FUBP3: variants seen among roughly 807,000 people sequenced by gnomAD.
FUBP3 encodes far upstream element-binding protein 3.
A neutral mutation model predicts 85.6 loss-of-function variants in FUBP3; 28 were observed. That is an observed-to-expected ratio of 0.33 (90% CI 0.24 to 0.45). The LOEUF is 0.45. FUBP3 is among the 20% of genes least tolerant of loss of function. FUBP3 has a pLI of 1.00. For missense variants in FUBP3, 583 were observed against 755.1 expected, an observed-to-expected ratio of 0.77 and a Z score of 2.67; for synonymous variants, 271 against 271.4, an observed-to-expected ratio of 1.00 and a Z score of 0.01.
intron 14 of FUBP3, 120 bp from the exon 15 acceptor site, chr9:130,631,822 C>T (rs555899110): frequency 1.2e-6 from 1 of 860,972 alleles, no homozygotes; most frequent in East Asian, 2.4e-5. Context: ...GGGTGGGAGC[C>T]TCTCAGAGGG....
At position 130,620,378 on chromosome 9, in the gene FUBP3, A is replaced by G; in HGVS notation, c.691A>G (p.Ile231Val). 1 of 1,601,434 alleles carries G rather than the reference A, an allele frequency of 6.2e-7. No homozygotes were observed. Among genetic ancestry groups the G allele is most frequent in the South Asian group, 1.1e-5 (1 of 89,040 alleles). Residue 231 changes from isoleucine to valine, a missense_variant, in exon 9 of 19, where the codon ATT (isoleucine) becomes GTT (valine). By Grantham distance (29) the Ile-to-Val change is conservative (BLOSUM62 3). This residue lies in a region of FUBP3 where 404 missense variants were observed against 516.8 expected (regional missense o/e 0.78). Coordinates refer to ENST00000319725, the MANE Select transcript of FUBP3 (RefSeq NM_003934.2). ...GCAAGCAAGAGAAATGGTACTAGAGATTATCCGAGAAAAAGACCAAGCTGA... is the reference window on the plus strand; with the variant it reads ...GCAAGCAAGAGAAATGGTACTAGAGGTTATCCGAGAAAAAGACCAAGCTGA... The part of the protein sequence containing the change: ...VQQAREMVLE[I>V]IREKDQADFR...
At chr9:130,618,288 G>T (rs530570799) in intron 8 of FUBP3, among the ~76,000 whole-genome samples, 2 of 152,294 alleles carry the variant, frequency 1.3e-5, no homozygotes, top group East Asian at 3.9e-4. Context: ...ATCCTTCCAG[G>T]TGCAGTTTTG....
intron 1 of FUBP3, among the ~76,000 whole-genome samples, chr9:130,584,269 C>T (rs1172285018): frequency 2.0e-5 from 3 of 151,990 alleles, no homozygotes; most frequent in African/African-American, 7.2e-5. Flanking sequence ...GGCTTACACC[C>T]GTAATCCCAG....
chr9:130,595,138 A>G (rs1830806328), intron 1 of FUBP3, among the ~76,000 whole-genome samples: 1 of 151,596 alleles, frequency 6.6e-6, no homozygotes, highest in South Asian at 2.1e-4. Flanking sequence ...AGACAGGAGA[A>G]TCGCTTGAAC....
intron 12 of FUBP3, among the ~76,000 whole-genome samples, chr9:130,629,423 CG>C (rs1025273114): frequency 7.2e-5 from 11 of 152,266 alleles, no homozygotes; most frequent in Admixed American, 7.2e-4. Context: ...TGTCTCCCGG[CG>C]TCTTTTCTCC....
intron 1 of FUBP3, among the ~76,000 whole-genome samples, chr9:130,583,818 A>G (rs901757408): frequency 6.6e-6 from 1 of 152,210 alleles, no homozygotes; most frequent in Non-Finnish European, 1.5e-5. Flanking sequence ...TAGATAGTAA[A>G]TAAACTATAT....
chr9:130,620,987 T>C (rs1829720573), intron 9 of FUBP3, among the ~76,000 whole-genome samples: 1 of 152,216 alleles, frequency 6.6e-6, no homozygotes, highest in Non-Finnish European at 1.5e-5. Context: ...TGTCAGATGC[T>C]GGGGGAAGGA....
chr9:130,609,838 T>A, intron 2 of FUBP3, 116 bp from the exon 3 acceptor site: 2 of 782,704 alleles, frequency 2.6e-6, no homozygotes, highest in Admixed American at 3.9e-5. Context: ...AATTACTGTT[T>A]GCTTTCTTTC....
intron 1 of FUBP3, among the ~76,000 whole-genome samples, chr9:130,589,703 ATATTTTTTT>A (rs1464919737): frequency 6.3e-4 from 18 of 28,582 alleles, no homozygotes; most frequent in South Asian, 2.0e-3. Flanking sequence ...ATATATATAT[ATATTTTTTT>A]TTTTTTTTTT....
Position 130,631,308 on chromosome 9 carries a change from C to T in FUBP3, c.1279-249C>T, listed in dbSNP as rs1236911872. On this transcript the variant is annotated intron_variant, in intron 13 of 18. Transcript: ENST00000319725. ...GAGTCAAGCAGGTTGGTCCCTACCC[C>T]CAGGGTGATGCCAGGGCAGTTGTGG... 3.6e-6 allele frequency: 5 copies of T among 1,392,862 alleles called. No homozygotes were observed. The Admixed American group carries it at 1.6e-4, about 43-fold the overall frequency. 86.3% of individuals were successfully genotyped at this position (1,392,862 alleles called of 1,614,324 possible). A position where few individuals can be genotyped will look rare whatever the true frequency, so the allele number is the denominator to read the frequency against.
chr9:130,599,337 A>T (rs1831022062), intron 2 of FUBP3, among the ~76,000 whole-genome samples: 1 of 138,232 alleles, frequency 7.2e-6, no homozygotes, highest in Non-Finnish European at 1.5e-5. Context: ...ATACACACAT[A>T]TATACACATA....
chr9:130,595,110 C>T (rs1224634662), intron 1 of FUBP3, among the ~76,000 whole-genome samples: 1 of 151,434 alleles, frequency 6.6e-6, no homozygotes, highest in African/African-American at 2.4e-5. Flanking sequence ...CCTGTAATCC[C>T]AGCTACTTGG....
At position 130,603,272 on chromosome 9, in the gene FUBP3, G is replaced by C. The variant is rs376981023; in HGVS notation, c.191-6682G>C. 5.3e-5 allele frequency among the ~76,000 whole-genome samples: 8 copies of C among 150,950 alleles called. No homozygotes were observed. The East Asian group carries it at 1.4e-3, about 26-fold the overall frequency. On this transcript the variant is annotated intron_variant, in intron 2 of 18. Coordinates refer to ENST00000319725, the MANE Select transcript of FUBP3 (RefSeq NM_003934.2). ...TGAGGTGGGAGAATGGCCTGAACCC[G>C]GGAGGCAGAGGTTGCAGTGAGCTGA...
At chr9:130,581,495 A>G (rs1051280941) in intron 1 of FUBP3, 1 of 152,218 alleles carries the variant, frequency 6.6e-6, no homozygotes, top group Non-Finnish European at 1.5e-5. Context: ...ATGGCCTTTA[A>G]AAACTAAAGA....
chr9:130,589,675 G>GTGTGTGTATGTATGTATA (rs869282275), intron 1 of FUBP3, among the ~76,000 whole-genome samples: 1 of 34,312 alleles, frequency 2.9e-5, no homozygotes, highest in African/African-American at 1.3e-4. Context: ...GTATGTGTGT[G>GTGTGTGTATGTATGTATA]TATATATATA....
chr9:130,628,330 G>C (rs141162503), intron 12 of FUBP3, among the ~76,000 whole-genome samples: 177 of 152,318 alleles, frequency 1.2e-3, no homozygotes, highest in Non-Finnish European at 2.1e-3. Flanking sequence ...GCTCTTGTCA[G>C]CCAGGCCTTT....
At chr9:130,618,595 G>T (rs1025933929) in intron 8 of FUBP3, among the ~76,000 whole-genome samples, 2 of 152,186 alleles carry the variant, frequency 1.3e-5, no homozygotes, top group South Asian at 4.1e-4. Flanking sequence ...AGGGTGTAGG[G>T]TTTTTGTCTG....
At chr9:130,624,718 G>A (rs1429673271) in intron 11 of FUBP3, among the ~76,000 whole-genome samples, 3 of 151,920 alleles carry the variant, frequency 2.0e-5, no homozygotes, top group African/African-American at 7.3e-5. Flanking sequence ...AGTTCTTCCA[G>A]TGTGGCCCAG....
At position 130,632,267 on chromosome 9, in the gene FUBP3, AGCAGGTCCCAAGTAAGTGACTC is replaced by A. The variant is rs1443678849; in HGVS notation, c.1501_1510+12del. 1.2e-6 allele frequency: 2 copies of A among 1,613,258 alleles called. No individual in the cohort carries two copies. The highest frequency in any genetic ancestry group is 1.3e-5 in the African/African-American group (1 of 74,918). On this transcript the variant is annotated splice_donor_variant and splice_donor_5th_base_variant and coding_sequence_variant and intron_variant, in exon 16 of 19. Transcript: ENST00000319725. LOFTEE classifies it high-confidence loss of function. ...TACCAGGCGTGGCAGCAGCCCACAC[AGCAGGTCCCAAGTAAGTGACTC>A]GGGGCGGGGAGTGCATGCCCTCCAG...
Sources: gnomAD v4.1 joint callset for allele counts (sites outside exome capture counted in the v4.1 genomes callset) on GRCh38, gnomAD v4.1.1 for gene constraint, gnomAD v4.1.1 regional missense constraint, MANE v1.5 for transcripts, NCBI Gene and HGNC (gene_info 2026-07-23, HGNC 2026-07-21) for gene names.